NAA16: variants seen among roughly 807,000 people sequenced by gnomAD.
NAA16 encodes NARG1-like protein.
Under a neutral mutation model 110.3 loss-of-function variants are expected in NAA16, and 97 were observed. The ratio of observed to expected loss-of-function variants is 0.88; its 90% CI spans 0.75 to 1.04. The LOEUF is 1.04. Ranked by LOEUF, NAA16 falls within the 50% of genes least tolerant of loss-of-function variation. The pLI is 0.00. For missense variants in NAA16, 1,017 were observed against 1,005.1 expected, an observed-to-expected ratio of 1.01 and a Z score of -0.16; for synonymous variants, 372 against 330.6, an observed-to-expected ratio of 1.13 and a Z score of -1.36.
intron 12 of NAA16, among the ~76,000 whole-genome samples, chr13:41,359,993 A>G (rs990239641): frequency 6.6e-5 from 10 of 152,170 alleles, no homozygotes; most frequent in Non-Finnish European, 1.0e-4. Flanking sequence ...GCATGTGCCT[A>G]TAGTCCCAGC....
Position 41,362,116 on chromosome 13 carries a change from G to C in NAA16, c.1496G>C (p.Gly499Ala). The change falls in exon 13 of 20, where the codon GGG becomes GCG. Residue 499 changes from glycine (G) to alanine (A), a missense_variant. Transcript: ENST00000379406. ...TECISAYQRL[G>A]RYGDALKKCH... Reference sequence around the variant, plus strand: ...TGCATTTCAGCTTATCAGCGTCTGGGGAGATACGGGGATGCCTTGAAAAAA... The same window carrying C: ...TGCATTTCAGCTTATCAGCGTCTGGCGAGATACGGGGATGCCTTGAAAAAA... The C allele has an allele frequency of 1.2e-6, 2 of 1,607,728 alleles. No individual in the cohort carries two copies. Among genetic ancestry groups the C allele is most frequent in the Non-Finnish European group, 1.7e-6 (2 of 1,177,944 alleles).
intron 9 of NAA16, among the ~76,000 whole-genome samples, chr13:41,354,153 A>C (rs2042918903): frequency 6.6e-6 from 1 of 152,164 alleles, no homozygotes; most frequent in African/African-American, 2.4e-5. Context: ...ACTTTACTAG[A>C]GATCCTGCCG....
Position 41,311,414 on chromosome 13 carries a change from C to G in NAA16, c.-115C>G, listed in dbSNP as rs570757657. 1.0e-5 allele frequency: 10 copies of G among 982,130 alleles called. No individual in the cohort carries two copies. The South Asian group carries it at 1.5e-4, about 15-fold the overall frequency. 60.8% of individuals were successfully genotyped at this position (982,130 alleles called of 1,614,324 possible). A position where few individuals can be genotyped will look rare whatever the true frequency, so the allele number is the denominator to read the frequency against. On this transcript the variant is annotated 5_prime_UTR_variant, in exon 1 of 20. In the 5' UTR this introduces an upstream ATG that the reference lacks. Transcript: ENST00000379406. ...TGCAACTGTAGACCAATGAACTAATCCATCGCCCGCAGCCCGACTCTCAGC... is the reference window on the plus strand; with the variant it reads ...TGCAACTGTAGACCAATGAACTAATGCATCGCCCGCAGCCCGACTCTCAGC...
At chr13:41,332,484 T>C (rs1418246263) in intron 8 of NAA16, among the ~76,000 whole-genome samples, 2 of 152,220 alleles carry the variant, frequency 1.3e-5, no homozygotes, top group African/African-American at 2.4e-5. Context: ...TCATTTACTT[T>C]TGAGCTACAT....
chr13:41,326,011 C>T (rs1208546042), intron 6 of NAA16, among the ~76,000 whole-genome samples, 160 bp downstream of exon 6: 1 of 151,970 alleles, frequency 6.6e-6, no homozygotes. Context: ...CATAACAACC[C>T]TATGTTGTAG....
At chr13:41,340,154 T>TA (rs2042497680) in intron 9 of NAA16, among the ~76,000 whole-genome samples, 1 of 152,182 alleles carries the variant, frequency 6.6e-6, no homozygotes, top group South Asian at 2.1e-4. Context: ...GTCCTGTCCA[T>TA]AACAGATAAC....
intron 8 of NAA16, among the ~76,000 whole-genome samples, chr13:41,333,285 ATACCG>A (rs2042288460): frequency 6.6e-6 from 1 of 152,136 alleles, no homozygotes. Context: ...TATAATCCAT[ATACCG>A]TAAAACTCAC....
intron 9 of NAA16, among the ~76,000 whole-genome samples, chr13:41,353,482 A>G (rs9590594): frequency 0.089 from 13,452 of 151,864 alleles, 693 homozygotes; most frequent in East Asian, 0.2. Context: ...CAGACTGTAC[A>G]GGCCAGGCAT....
chr13:41,351,414 C>G (rs1222165389), intron 9 of NAA16, among the ~76,000 whole-genome samples: 1 of 152,110 alleles, frequency 6.6e-6, no homozygotes, highest in African/African-American at 2.4e-5. Flanking sequence ...ATATCAGAAC[C>G]TAATTCAGCA....
intron 9 of NAA16, among the ~76,000 whole-genome samples, chr13:41,341,960 T>C (rs1315871422): frequency 1.3e-5 from 2 of 150,496 alleles, no homozygotes; most frequent in Admixed American, 1.3e-4. Context: ...GCCTCCCGAG[T>C]AGCTGGGACT....
chr13:41,315,335 T>C (rs1031965977), intron 1 of NAA16, among the ~76,000 whole-genome samples: 1 of 152,136 alleles, frequency 6.6e-6, no homozygotes, highest in African/African-American at 2.4e-5. Context: ...GACTGAACAA[T>C]GTAAGCCAGG....
intron 13 of NAA16, among the ~76,000 whole-genome samples, chr13:41,363,288 A>G (rs2043148733): frequency 6.6e-6 from 1 of 152,132 alleles, no homozygotes. Context: ...GGAAAGATAC[A>G]TTTTTATTAA....
chr13:41,333,913 C>G (rs891265985), intron 8 of NAA16, among the ~76,000 whole-genome samples: 1 of 151,658 alleles, frequency 6.6e-6, no homozygotes, highest in African/African-American at 2.4e-5. Context: ...GACATGCTGT[C>G]TTTGAAATGC....
chr13:41,325,807 A>G lies in NAA16; in HGVS notation c.647A>G (p.Tyr216Cys). 1 of 1,609,276 alleles carries G rather than the reference A, an allele frequency of 6.2e-7. No individual in the cohort carries two copies. The highest frequency in any genetic ancestry group is 8.5e-7 in the Non-Finnish European group (1 of 1,177,724). The change falls in exon 6 of 20, where the codon TAT becomes TGT. Residue 216 changes from tyrosine (Y) to cysteine (C), a missense_variant. Tyr to Cys is a radical substitution (Grantham distance 194, BLOSUM62 -2). Coordinates refer to ENST00000379406, the MANE Select transcript of NAA16 (RefSeq NM_024561.5). ...GAATCTTTGGAACATATAGAAATGT[A>G]TGAGAAACAAATATGTGATAAACTT... Reference protein sequence around the residue: ...LQESLEHIEMYEKQICDKLLV... With the variant: ...LQESLEHIEMCEKQICDKLLV...
chr13:41,320,051 A>G (rs2041908746), intron 3 of NAA16, among the ~76,000 whole-genome samples: 1 of 152,150 alleles, frequency 6.6e-6, no homozygotes, highest in African/African-American at 2.4e-5. Context: ...TCTTTATCCC[A>G]GTGCTTACCC....
intron 7 of NAA16, among the ~76,000 whole-genome samples, chr13:41,329,812 C>T (rs998276153): frequency 1.3e-5 from 2 of 151,756 alleles, no homozygotes; most frequent in Admixed American, 6.6e-5. Flanking sequence ...AGTAACATTA[C>T]GATTTATAAA....
intron 1 of NAA16, among the ~76,000 whole-genome samples, chr13:41,313,708 T>C (rs2041721441): frequency 6.6e-6 from 1 of 152,230 alleles, no homozygotes; most frequent in South Asian, 2.1e-4. Flanking sequence ...TTGTTGAATT[T>C]TGGAGGTATT....
chr13:41,344,692 G>A (rs1478499211), intron 9 of NAA16, among the ~76,000 whole-genome samples: 1 of 152,288 alleles, frequency 6.6e-6, no homozygotes, highest in South Asian at 2.1e-4. Context: ...CTCTACCATC[G>A]AGATGTCAGT....
rs373091117 is a variant in NAA16 at position 41,358,325 on chromosome 13, C to T, written c.1109C>T (p.Pro370Leu). 26 of 1,613,384 alleles carry T rather than the reference C, an allele frequency of 1.6e-5. No homozygotes were observed. The highest frequency in any genetic ancestry group is 1.6e-4 in the Middle Eastern group (1 of 6,082). ...GCAGAGAATGGGGAGAAGGAACCCC[C>T]GACAACACTACTCTGGGTTCAGTAT... is the stretch of plus-strand genomic sequence containing the variant. ...SPYENGEKEPPTTLLWVQYFL... is the reference protein window; with the variant it reads ...SPYENGEKEPLTTLLWVQYFL... Residue 370 changes from proline (P) to leucine (L), a missense_variant, in exon 11 of 20, where the codon CCG becomes CTG. Coordinates refer to ENST00000379406, the MANE Select transcript of NAA16 (RefSeq NM_024561.5).
Sources: allele counts gnomAD v4.1 joint callset (sites outside exome capture counted in the v4.1 genomes callset), GRCh38; gene constraint gnomAD v4.1.1; transcripts MANE v1.5; gene names NCBI Gene and HGNC (gene_info 2026-07-23, HGNC 2026-07-21).